Variants in STK24 observed in about 807,000 individuals in gnomAD.
STK24 encodes serine/threonine kinase 24, also known as serine/threonine-protein kinase 24.
STK24 carries 21 observed loss-of-function variants against 55.6 expected under a neutral mutation model. The ratio of observed to expected loss-of-function variants is 0.38; its 90% confidence interval spans 0.27 to 0.54. STK24 has a LOEUF of 0.54. STK24 is among the 20% of genes least tolerant of loss of function. The pLI, the probability that STK24 is intolerant of heterozygous loss-of-function variation, is 0.79. For synonymous variants in STK24, 200 were observed against 215.2 expected (o/e 0.93, Z 0.62); for missense variants, 383 against 538.4 (o/e 0.71, Z 2.86).
intron 9 of STK24, among the ~76,000 whole-genome samples, chr13:98,459,635 A>C (rs1265946983): frequency 6.6e-6 from 1 of 152,234 alleles, no homozygotes. Flanking sequence ...TTCAAGGACC[A>C]GGACCCCTAA....
In STK24 at chr13:98,452,616, A is replaced by T. The variant is rs561180680; in HGVS notation, c.*557T>A. ...ACATGTAATAAAGGCAAGGCAATAG[A>T]CTCAAGTTATGGCCTGTCGAATATT... On this transcript the variant is annotated 3_prime_UTR_variant, in exon 11 of 11. Coordinates refer to ENST00000539966, the MANE Select transcript of STK24 (RefSeq NM_001032296.4). The T allele has an allele frequency of 6.5e-6, 1 of 152,792 alleles. No individual in the cohort carries two copies. The highest frequency in any genetic ancestry group is 1.9e-4 in the East Asian group (1 of 5,184). The allele number at this position is 152,792 out of a possible 1,614,324, so 9.5% of individuals were successfully genotyped here. A position where few individuals can be genotyped will look rare whatever the true frequency, so the allele number is the denominator to read the frequency against.
intron 1 of STK24, among the ~76,000 whole-genome samples, chr13:98,575,404 T>TACAC (rs143143374): frequency 0.38 from 55,836 of 146,446 alleles, 11,636 homozygotes; most frequent in Non-Finnish European, 0.48. Context: ...ACTGCTTATA[T>TACAC]ATACACACAC....
chr13:98,541,749 G>A (rs921216645), intron 1 of STK24, among the ~76,000 whole-genome samples: 4 of 152,156 alleles, frequency 2.6e-5, no homozygotes, highest in Admixed American at 1.3e-4. Flanking sequence ...TCAACAGCCT[G>A]TGCCCTCATC....
At position 98,448,426 on chromosome 13, in the gene STK24, T is replaced by C. The variant is rs1892998668; in HGVS notation, c.*4747A>G. 6.5e-6 allele frequency: 6 copies of C among 916,276 alleles called. No individual in the cohort carries two copies. The highest frequency in any genetic ancestry group is 2.9e-5 in the South Asian group (2 of 69,406). 56.8% of individuals were successfully genotyped at this position (916,276 alleles called of 1,614,324 possible). A position where few individuals can be genotyped will look rare whatever the true frequency, so the allele number is the denominator to read the frequency against. ...AACACCTGTCTGAAAATCAAAAACA[T>C]GGCTTCCCAGCAGCTCTCCTGTCTC... On this transcript the variant is annotated 3_prime_UTR_variant, in exon 11 of 11. Transcript: ENST00000539966.
At chr13:98,487,265 C>T (rs1894842218) in intron 2 of STK24, among the ~76,000 whole-genome samples, 1 of 152,122 alleles carries the variant, frequency 6.6e-6, no homozygotes. Flanking sequence ...CACTCATTCC[C>T]CAAGAAAAAT....
At position 98,457,233 on chromosome 13, in the gene STK24, T is replaced by A; in HGVS notation, c.1194A>T (p.Leu398=). The A allele has an allele frequency of 6.2e-7, 1 of 1,613,468 alleles. No homozygotes were observed. Among genetic ancestry groups the A allele is most frequent in the Non-Finnish European group, 8.5e-7 (1 of 1,180,038 alleles). ...AGATGCCAGGGCACGCCTCCTCCGCTAGGTAGATGGCCCCTCGCAGCTCTT... is the reference window on the plus strand; with the variant it reads ...AGATGCCAGGGCACGCCTCCTCCGCAAGGTAGATGGCCCCTCGCAGCTCTT... The part of the protein sequence containing the change: ...SIEELRGAIY[L]AEEACPGISD... Residue 398 remains leucine, a synonymous_variant, in exon 10 of 11, where the codon CTA becomes CTT. Transcript: ENST00000539966.
chr13:98,513,532 G>A (rs912961451), intron 2 of STK24, among the ~76,000 whole-genome samples: 6 of 152,306 alleles, frequency 3.9e-5, no homozygotes, highest in East Asian at 1.9e-4. Context: ...GCAGTGGCAG[G>A]AGGAACAGAG....
intron 1 of STK24, among the ~76,000 whole-genome samples, chr13:98,524,171 G>A (rs750221387): frequency 6.6e-6 from 1 of 152,066 alleles, no homozygotes; most frequent in Non-Finnish European, 1.5e-5. Context: ...CCTGGGGACC[G>A]GAAGGCAACC....
At chr13:98,540,780 A>AAAG (rs1555310702) in intron 1 of STK24, among the ~76,000 whole-genome samples, 1 of 151,762 alleles carries the variant, frequency 6.6e-6, no homozygotes, top group South Asian at 2.1e-4. Flanking sequence ...AAAAAAAAAA[A>AAAG]AAAGCCATTG....
intron 1 of STK24, among the ~76,000 whole-genome samples, chr13:98,558,056 AT>A (rs1287003244): frequency 1.3e-5 from 2 of 151,916 alleles, no homozygotes; most frequent in Non-Finnish European, 2.9e-5. Flanking sequence ...CCATAAATGC[AT>A]TTTTTCCCAT....
intron 2 of STK24, among the ~76,000 whole-genome samples, chr13:98,495,258 A>G (rs192142173): frequency 2.6e-5 from 4 of 152,192 alleles, no homozygotes; most frequent in Non-Finnish European, 5.9e-5. Flanking sequence ...TCCTTTTATT[A>G]CTTACCTGCA....
chr13:98,536,816 A>G (rs1457428990), intron 1 of STK24, among the ~76,000 whole-genome samples: 9 of 150,352 alleles, frequency 6.0e-5, no homozygotes, highest in South Asian at 2.1e-4. Flanking sequence ...ATACCCTGCC[A>G]GCCACCACAC....
In STK24 at chr13:98,451,181, G is replaced by A. The variant is rs1490861939; in HGVS notation, c.*1992C>T. On this transcript the variant is annotated 3_prime_UTR_variant, in exon 11 of 11. Coordinates refer to ENST00000539966, the MANE Select transcript of STK24 (RefSeq NM_001032296.4). ...CTGAAGAACTCTGTAAATCAGAAAA[G>A]CTGCTGTCCGCCCTGGCTCACTTAA... 2 of 152,166 alleles carry A rather than the reference G, an allele frequency of 1.3e-5. No homozygotes were observed. Among genetic ancestry groups the A allele is most frequent in the Non-Finnish European group, 2.9e-5 (2 of 68,048 alleles). 9.4% of individuals were successfully genotyped at this position (152,166 alleles called of 1,614,324 possible).
At chr13:98,539,427 G>C (rs1245857948) in intron 1 of STK24, among the ~76,000 whole-genome samples, 1 of 152,078 alleles carries the variant, frequency 6.6e-6, no homozygotes, top group African/African-American at 2.4e-5. Flanking sequence ...TTTATCTTCA[G>C]TGCTCTCACA....
intron 1 of STK24, among the ~76,000 whole-genome samples, chr13:98,535,997 G>A (rs2139410805): frequency 6.6e-6 from 1 of 152,344 alleles, no homozygotes; most frequent in African/African-American, 2.4e-5. Flanking sequence ...TCGTTTTGGT[G>A]TATGCAGATT....
intron 2 of STK24, among the ~76,000 whole-genome samples, chr13:98,489,597 A>G (rs1894941914): frequency 6.6e-6 from 1 of 152,208 alleles, no homozygotes; most frequent in Non-Finnish European, 1.5e-5. Context: ...ATGCCACAAA[A>G]GACAGGGAAC....
chr13:98,477,879 C>T (rs1335681329), intron 3 of STK24, among the ~76,000 whole-genome samples: 1 of 152,142 alleles, frequency 6.6e-6, no homozygotes, highest in Non-Finnish European at 1.5e-5. Flanking sequence ...GTGAGGAACA[C>T]TCATGGAAAA....
At chr13:98,480,532 G>T (rs1264105004) in intron 3 of STK24, among the ~76,000 whole-genome samples, 1 of 151,952 alleles carries the variant, frequency 6.6e-6, no homozygotes, top group East Asian at 1.9e-4. Context: ...CTACATTGCT[G>T]TTTTTCCCTT....
At chr13:98,509,076 G>C (rs1895790617) in intron 2 of STK24, 1 of 152,126 alleles carries the variant, frequency 6.6e-6, no homozygotes, top group Non-Finnish European at 1.5e-5. Context: ...CTAATTATCA[G>C]ACAATTATTT....
Sources: allele counts gnomAD v4.1 joint callset (sites outside exome capture counted in the v4.1 genomes callset), GRCh38; gene constraint gnomAD v4.1.1; transcripts MANE v1.5; gene names NCBI Gene and HGNC (gene_info 2026-07-23, HGNC 2026-07-21).